Variants in PCDHA7 observed in about 807,000 individuals in gnomAD.
PCDHA7 encodes the protein protocadherin alpha-7.
Under a neutral mutation model 57.2 loss-of-function variants are expected in PCDHA7, and 37 were observed. The observed-to-expected ratio is 0.65, with a 90% CI of 0.50 to 0.85. PCDHA7 has a LOEUF of 0.85. Among genes scored for constraint, PCDHA7 ranks in the 40% least tolerant of loss-of-function variants. The pLI, the probability that PCDHA7 is intolerant of heterozygous loss-of-function variation, is 0.00. For synonymous variants in PCDHA7, 553 were observed against 558.8 expected, an observed-to-expected ratio of 0.99 and a Z score of 0.15; for missense variants, 1,188 against 1,241.8, an observed-to-expected ratio of 0.96 and a Z score of 0.65.
At chr5:140,991,228 T>C (rs2097439456) in intron 3 of PCDHA7, among the ~76,000 whole-genome samples, 1 of 152,220 alleles carries the variant, frequency 6.6e-6, no homozygotes, top group African/African-American at 2.4e-5. Flanking sequence ...CATTAATAAA[T>C]GCAGTGGTAA....
chr5:140,989,925 T>G (rs2097366658), intron 3 of PCDHA7, among the ~76,000 whole-genome samples: 1 of 151,810 alleles, frequency 6.6e-6, no homozygotes, highest in South Asian at 2.1e-4. Context: ...AGAGCAGAGA[T>G]AGATGACATT....
intron 1 of PCDHA7, among the ~76,000 whole-genome samples, chr5:140,922,707 A>T (rs1282909188): frequency 4.6e-5 from 7 of 152,240 alleles, no homozygotes; most frequent in African/African-American, 1.4e-4. Context: ...TACAGTCAAG[A>T]ACAAAAAGAA....
At chr5:140,856,784 T>A in intron 1 of PCDHA7, 1 of 1,596,522 alleles carries the variant, frequency 6.3e-7, no homozygotes. Flanking sequence ...CAGACCGGTT[T>A]ATGAAGTTAA....
chr5:140,857,552 T>G lies in PCDHA7; in HGVS notation c.2355+20814T>G, dbSNP rs782203645. 82 of 1,596,700 alleles carry G rather than the reference T, an allele frequency of 5.1e-5. 3 individuals carry two copies. The Middle Eastern group carries it at 9.6e-4, about 19-fold the overall frequency. ...GGTGGAGCGGCGGTTGGGCGAGCGC[T>G]CGCTGTCGAGCTACGTGTCGGTGCA... On this transcript the variant is annotated intron_variant, in intron 1 of 3. Transcript: ENST00000525929.
chr5:140,882,798 A>G, intron 1 of PCDHA7: 1 of 1,614,236 alleles, frequency 6.2e-7, no homozygotes, highest in South Asian at 1.1e-5. Context: ...CCCAACGATT[A>G]TTTCACTTTG....
intron 3 of PCDHA7, among the ~76,000 whole-genome samples, chr5:140,991,132 TAA>T (rs1345264253): frequency 2.0e-5 from 3 of 152,230 alleles, no homozygotes; most frequent in Non-Finnish European, 4.4e-5. Flanking sequence ...ACACAGCTAG[TAA>T]AAATGTTTTT....
At chr5:140,885,280 A>G (rs2060543465) in intron 1 of PCDHA7, among the ~76,000 whole-genome samples, 2 of 152,138 alleles carry the variant, frequency 1.3e-5, no homozygotes, top group Admixed American at 6.5e-5. Context: ...ATATATATAC[A>G]TATATAGAGA....
chr5:140,951,545 G>C (rs1019007635), intron 1 of PCDHA7, among the ~76,000 whole-genome samples: 2 of 151,950 alleles, frequency 1.3e-5, no homozygotes, highest in Admixed American at 6.6e-5. Context: ...GCAAGGGACG[G>C]GGGGAAGTGC....
chr5:140,836,178 G>C lies in PCDHA7; in HGVS notation c.1795G>C (p.Ala599Pro), dbSNP rs2150254808. ...GGTGGCGAAGGTACGTGCAGTTGAC[G>C]CTGACTCAGGCTACAACGCGTGGCT... ...HVVAKVRAVD[A>P]DSGYNAWLSY... Residue 599 changes from alanine (A) to proline (P), a missense_variant, in exon 1 of 4, where the codon GCT becomes CCT. Physicochemically the swap from Ala to Pro is conservative, Grantham distance 27. Around this residue, in one of 3 missense-constraint regions of PCDHA7, gnomAD observed 892 missense variants for 788.5 expected, o/e 1.13. Coordinates refer to ENST00000525929, the MANE Select transcript of PCDHA7 (RefSeq NM_018910.3). 6.2e-7 allele frequency: 1 copy of C among 1,613,826 alleles called. No individual in the cohort carries two copies.
chr5:140,969,221 C>T, intron 1 of PCDHA7: 2 of 1,614,158 alleles, frequency 1.2e-6, no homozygotes, highest in Non-Finnish European at 1.7e-6. Context: ...AGGACCAGGG[C>T]CTTCGGGAGC....
rs1554162489 is a variant in PCDHA7 at position 140,869,104 on chromosome 5, A to G, written c.2355+32366A>G. 2.5e-6 allele frequency: 4 copies of G among 1,601,646 alleles called. No individual in the cohort carries two copies. In the Admixed American group the frequency reaches 5.1e-5, roughly 21 times the overall value. On this transcript the variant is annotated intron_variant, in intron 1 of 3. Coordinates refer to ENST00000525929, the MANE Select transcript of PCDHA7 (RefSeq NM_018910.3). ...ATTTTGGAAGCCAATTTCGTATGCG[A>G]TGTTTGGTTTTCAGAGAAGGGGATT... is the stretch of plus-strand genomic sequence containing the variant.
At chr5:140,840,654 A>T (rs17119241) in intron 1 of PCDHA7, among the ~76,000 whole-genome samples, 31,454 of 151,946 alleles carry the variant, frequency 0.21, 4,191 homozygotes, top group African/African-American at 0.36. Flanking sequence ...AGTGTAAAGA[A>T]TATGCACATA....
chr5:140,926,537 T>G, intron 1 of PCDHA7: 10 of 211,562 alleles, frequency 4.7e-5, no homozygotes, highest in Non-Finnish European at 7.4e-5. Flanking sequence ...GCAGCCAGCG[T>G]GGTGGTCGAG....
intron 1 of PCDHA7, among the ~76,000 whole-genome samples, chr5:140,846,899 G>C (rs1467699891): frequency 6.7e-6 from 1 of 149,660 alleles, no homozygotes; most frequent in Admixed American, 6.7e-5. Context: ...CGTTGAAGTT[G>C]AAAGACAATC....
intron 1 of PCDHA7, among the ~76,000 whole-genome samples, chr5:140,956,002 C>T (rs2095246908): frequency 6.6e-6 from 1 of 152,124 alleles, no homozygotes; most frequent in Admixed American, 6.5e-5. Context: ...GATTTTGTAT[C>T]CTGAGACTTT....
intron 1 of PCDHA7, among the ~76,000 whole-genome samples, chr5:140,976,067 T>C (rs1554237245): frequency 6.6e-6 from 1 of 152,218 alleles, no homozygotes; most frequent in Non-Finnish European, 1.5e-5. Flanking sequence ...ATATATGTCT[T>C]ACTGTGTCAG....
chr5:140,926,702 G>C (rs2083474783), intron 1 of PCDHA7: 1 of 832,476 alleles, frequency 1.2e-6, no homozygotes, highest in South Asian at 2.8e-5. Context: ...CCGGCTCCCA[G>C]CTGGCCAGCC....
intron 1 of PCDHA7, among the ~76,000 whole-genome samples, chr5:140,961,208 A>T (rs1268712075): frequency 1.3e-5 from 2 of 152,164 alleles, no homozygotes; most frequent in African/African-American, 4.8e-5. Flanking sequence ...GTTGGTATTG[A>T]TGAAGAAACT....
At chr5:140,932,323 C>T (rs1259103502) in intron 1 of PCDHA7, among the ~76,000 whole-genome samples, 1 of 151,814 alleles carries the variant, frequency 6.6e-6, no homozygotes, top group Non-Finnish European at 1.5e-5. Flanking sequence ...ATTAATGTAG[C>T]AAAAATGCAT....
Sources: allele counts gnomAD v4.1 joint callset (sites outside exome capture counted in the v4.1 genomes callset), GRCh38; gene constraint gnomAD v4.1.1; regional missense constraint gnomAD v4.1.1; transcripts MANE v1.5; gene names NCBI Gene and HGNC (gene_info 2026-07-23, HGNC 2026-07-21).